UBE4B: variants seen among roughly 807,000 people sequenced by gnomAD.
UBE4B encodes the protein ubiquitin conjugation factor E4 B.
Under a neutral mutation model 148.1 loss-of-function variants are expected in UBE4B, and 27 were observed. The observed-to-expected ratio is 0.18, with a 90% confidence interval of 0.13 to 0.25. UBE4B has a LOEUF of 0.25. Among genes scored for constraint, UBE4B ranks in the 10% least tolerant of loss-of-function variants. The pLI is 1.00. For synonymous variants in UBE4B, 596 were observed against 619.3 expected (o/e 0.96, Z 0.56); for missense variants, 1,170 against 1,662.4 (o/e 0.70, Z 5.15).
At chr1:10,101,074 AG>A in intron 3 of UBE4B, 33 bp from the exon 4 acceptor site, 1 of 1,594,144 alleles carries the variant, frequency 6.3e-7, no homozygotes, top group Non-Finnish European at 8.6e-7. Flanking sequence ...GATTTATAAA[AG>A]GTAAAAGGCT....
chr1:10,056,065 G>A (rs888759113), intron 1 of UBE4B, among the ~76,000 whole-genome samples: 2 of 152,186 alleles, frequency 1.3e-5, no homozygotes, highest in African/African-American at 4.8e-5. Context: ...GATGTTTTTG[G>A]TTATAAAGGG....
At chr1:10,045,488 A>T (rs751428356) in intron 1 of UBE4B, among the ~76,000 whole-genome samples, 10 of 152,096 alleles carry the variant, frequency 6.6e-5, no homozygotes, top group Non-Finnish European at 1.5e-4. Flanking sequence ...TTGTGGTTTA[A>T]TGTGCCATAT....
intron 2 of UBE4B, among the ~76,000 whole-genome samples, chr1:10,090,419 C>T (rs1181836701): frequency 6.6e-6 from 1 of 152,052 alleles, no homozygotes; most frequent in Non-Finnish European, 1.5e-5. Context: ...CCATGCCTGG[C>T]TGAGACCTGT....
At chr1:10,112,607 C>T (rs1228224035) in intron 7 of UBE4B, among the ~76,000 whole-genome samples, 1 of 152,104 alleles carries the variant, frequency 6.6e-6, no homozygotes, top group Non-Finnish European at 1.5e-5. Context: ...ATCACATTGG[C>T]CAGGCTGGTC....
At chr1:10,081,841 G>C (rs1226074239) in intron 2 of UBE4B, among the ~76,000 whole-genome samples, 1 of 152,002 alleles carries the variant, frequency 6.6e-6, no homozygotes, top group Non-Finnish European at 1.5e-5. Flanking sequence ...TGCCCGCTTC[G>C]GCCTCCCAAA....
chr1:10,072,435 C>CTTTT, intron 2 of UBE4B: 2 of 545,106 alleles, frequency 3.7e-6, no homozygotes, highest in African/African-American at 2.0e-5. Context: ...TAACTTCCAT[C>CTTTT]TTTTTTTTTT....
At position 10,076,232 on chromosome 1, in the gene UBE4B, CTTCT is replaced by C. The variant is rs1287258593; in HGVS notation, c.211+4033_211+4036del. 1.2e-3 allele frequency among the ~76,000 whole-genome samples: 176 copies of C among 148,540 alleles called. 3 individuals carry two copies. In the South Asian group the frequency reaches 0.015, roughly 12 times the overall value. ...ATTTTTGTTCCAGACTCAAAAAGTG[CTTCT>C]TTCTTTCTTTCTTTTTTTTTTTTTT... is the stretch of plus-strand genomic sequence containing the variant. On this transcript the variant is annotated intron_variant, in intron 2 of 27. Coordinates refer to ENST00000343090, the MANE Select transcript of UBE4B (RefSeq NM_001105562.3).
chr1:10,134,581 C>T (rs1034721975), intron 15 of UBE4B, among the ~76,000 whole-genome samples: 7 of 151,810 alleles, frequency 4.6e-5, no homozygotes, highest in Admixed American at 1.3e-4. Context: ...ATATAATAGG[C>T]GGTATTCAAC....
chr1:10,042,638 CTG>C (rs941372283), intron 1 of UBE4B, among the ~76,000 whole-genome samples: 1 of 152,160 alleles, frequency 6.6e-6, no homozygotes, highest in Non-Finnish European at 1.5e-5. Context: ...CAGAGTGAGA[CTG>C]TGTCTCAAAA....
chr1:10,109,593 G>A (rs1645183748), intron 7 of UBE4B, among the ~76,000 whole-genome samples: 1 of 151,626 alleles, frequency 6.6e-6, no homozygotes, highest in Admixed American at 6.6e-5. Flanking sequence ...TAAACAAGTA[G>A]AAGAACTTAG....
At chr1:10,109,116 A>G (rs1645171252) in intron 7 of UBE4B, among the ~76,000 whole-genome samples, 1 of 151,552 alleles carries the variant, frequency 6.6e-6, no homozygotes, top group African/African-American at 2.4e-5. Context: ...CTCATGGAGC[A>G]TTGTGCGCCA....
At chr1:10,175,939 C>T (rs1220009102) in intron 25 of UBE4B, among the ~76,000 whole-genome samples, 1 of 152,150 alleles carries the variant, frequency 6.6e-6, no homozygotes, top group African/African-American at 2.4e-5. Flanking sequence ...TACCTAGTTC[C>T]ACTACATGTA....
intron 25 of UBE4B, among the ~76,000 whole-genome samples, chr1:10,175,616 A>G (rs561338737): frequency 2.0e-5 from 3 of 152,084 alleles, no homozygotes; most frequent in South Asian, 2.1e-4. Context: ...GCGCCACTGC[A>G]CTCCAGCCTG....
In UBE4B at chr1:10,071,517, G is replaced by T. The variant is rs188402535; in HGVS notation, c.25-511G>T. 2.6e-5 allele frequency among the ~76,000 whole-genome samples: 4 copies of T among 152,282 alleles called. No individual in the cohort carries two copies. In the East Asian group the frequency reaches 5.8e-4, roughly 22 times the overall value. On this transcript the variant is annotated intron_variant, in intron 1 of 27. Transcript: ENST00000343090. ...GTGGGAAGATTACTTGAGCCCAGGAGTTCAAGGCTGCAGTGAGCTATGATT... is the reference window on the plus strand; with the variant it reads ...GTGGGAAGATTACTTGAGCCCAGGATTTCAAGGCTGCAGTGAGCTATGATT...
At chr1:10,042,375 G>A (rs1455131738) in intron 1 of UBE4B, among the ~76,000 whole-genome samples, 1 of 152,162 alleles carries the variant, frequency 6.6e-6, no homozygotes, top group African/African-American at 2.4e-5. Flanking sequence ...ATGGCCGGGC[G>A]TGGTGGCTCA....
At chr1:10,067,324 G>A (rs1426283195) in intron 1 of UBE4B, among the ~76,000 whole-genome samples, 1 of 152,128 alleles carries the variant, frequency 6.6e-6, no homozygotes, top group Non-Finnish European at 1.5e-5. Context: ...TGATTAGTAT[G>A]TGTGGCTTTG....
chr1:10,180,317 C>T lies in UBE4B; in HGVS notation c.*361C>T, dbSNP rs1331539497. On this transcript the variant is annotated 3_prime_UTR_variant, in exon 28 of 28. Transcript: ENST00000343090. ...ATGAATTTTTTTTTAATCCAATATCCGTTGATTTGATTGTGATTAGAGAAC... is the reference window on the plus strand; with the variant it reads ...ATGAATTTTTTTTTAATCCAATATCTGTTGATTTGATTGTGATTAGAGAAC... The T allele has an allele frequency of 2.0e-5, 4 of 203,210 alleles. No individual in the cohort carries two copies. Among genetic ancestry groups the T allele is most frequent in the East Asian group, 1.2e-4 (1 of 8,300 alleles). The allele number at this position is 203,210 out of a possible 1,614,324, so 12.6% of individuals were successfully genotyped here. A position where few individuals can be genotyped will look rare whatever the true frequency, so the allele number is the denominator to read the frequency against.
At chr1:10,068,723 A>G (rs1644433071) in intron 1 of UBE4B, among the ~76,000 whole-genome samples, 1 of 152,156 alleles carries the variant, frequency 6.6e-6, no homozygotes, top group African/African-American at 2.4e-5. Flanking sequence ...TATACCTGTG[A>G]TTGCACAAAG....
At chr1:10,119,932 G>A (rs1475919658) in intron 9 of UBE4B, among the ~76,000 whole-genome samples, 5 of 152,182 alleles carry the variant, frequency 3.3e-5, no homozygotes, top group Non-Finnish European at 7.3e-5. Flanking sequence ...GCAACTGCCT[G>A]AAGTTGGTGG....
Sources: allele counts gnomAD v4.1 joint callset (sites outside exome capture counted in the v4.1 genomes callset), GRCh38; gene constraint gnomAD v4.1.1; transcripts MANE v1.5; gene names NCBI Gene and HGNC (gene_info 2026-07-23, HGNC 2026-07-21).